STARD9: variants seen among roughly 807,000 people sequenced by gnomAD.
STARD9 encodes the protein StAR related lipid transfer domain containing 9.
In STARD9, 346 loss-of-function variants were observed where a neutral mutation model predicts 399.8. The observed-to-expected ratio is 0.87, with a 90% CI of 0.79 to 0.95. The LOEUF (loss-of-function observed/expected upper bound fraction) is 0.95. STARD9 is among the 40% of genes least tolerant of loss of function. The pLI, the probability that STARD9 is intolerant of heterozygous loss-of-function variation, is 0.00. For missense variants in STARD9, 5,832 were observed against 5,667.5 expected, an observed-to-expected ratio of 1.03 and a Z score of -0.93; for synonymous variants, 2,203 against 2,143.5, an observed-to-expected ratio of 1.03 and a Z score of -0.77.
intron 3 of STARD9, among the ~76,000 whole-genome samples, chr15:42,607,147 C>A (rs1307139632): frequency 7.1e-6 from 1 of 140,668 alleles, no homozygotes; most frequent in African/African-American, 2.6e-5. Flanking sequence ...ACCCTGTAAC[C>A]ATTGTGCTCT....
At chr15:42,584,955 G>T (rs1036071837) in intron 2 of STARD9, among the ~76,000 whole-genome samples, 8 of 152,146 alleles carry the variant, frequency 5.3e-5, no homozygotes, top group Non-Finnish European at 1.2e-4. Context: ...CGCCATGAGT[G>T]GAAAGTTTCA....
At chr15:42,612,270 G>A (rs1055657798) in intron 3 of STARD9, among the ~76,000 whole-genome samples, 5 of 152,066 alleles carry the variant, frequency 3.3e-5, no homozygotes, top group African/African-American at 9.7e-5. Context: ...GAGCCACCTC[G>A]CCTGGCCCCT....
At chr15:42,671,126 A>ATTTTTTTT (rs34261486) in intron 16 of STARD9, 9 of 96,048 alleles carry the variant, frequency 9.4e-5, no homozygotes, top group African/African-American at 9.7e-5. Context: ...AGGATTGCTG[A>ATTTTTTTT]TTTTTTTTTT....
At chr15:42,645,731 A>G (rs2059632477) in intron 7 of STARD9, among the ~76,000 whole-genome samples, 1 of 152,054 alleles carries the variant, frequency 6.6e-6, no homozygotes, top group Non-Finnish European at 1.5e-5. Flanking sequence ...TTGTGGAGAC[A>G]GGGTTTCACC....
chr15:42,683,285 T>C (rs1197843742), intron 22 of STARD9, among the ~76,000 whole-genome samples: 1 of 152,248 alleles, frequency 6.6e-6, no homozygotes, highest in African/African-American at 2.4e-5. Flanking sequence ...AAAACTTTAT[T>C]ATGAAAAAAT....
rs946893753 is a variant in STARD9, at chr15:42,685,825, C to T, written c.4247C>T (p.Ser1416Phe). ...LCSARDEHTA[S>F]AADTSRLSLW... ...AGTGCAAGAGATGAGCACACAGCCT[C>T]TGCTGCTGATACGTCTAGGCTGTCT... The change falls in exon 23 of 33, where the codon TCT becomes TTT. Residue 1416 changes from serine to phenylalanine, a missense_variant. Around this residue, in one of 2 missense-constraint regions of STARD9, gnomAD observed 5,828 missense variants for 5,651.1 expected, o/e 1.03. Coordinates refer to ENST00000290607, the MANE Select transcript of STARD9 (RefSeq NM_020759.3). 2.6e-6 allele frequency: 4 copies of T among 1,537,078 alleles called. No individual in the cohort carries two copies. Among genetic ancestry groups the T allele is most frequent in the Non-Finnish European group, 3.5e-6 (4 of 1,146,950 alleles).
At chr15:42,662,454 TA>T (rs1390705576) in intron 10 of STARD9, among the ~76,000 whole-genome samples, 5 of 152,284 alleles carry the variant, frequency 3.3e-5, no homozygotes, top group Admixed American at 1.3e-4. Flanking sequence ...CATAAAACTA[TA>T]AATATAGGAA....
chr15:42,669,379 T>G, intron 16 of STARD9, 42 bp downstream of exon 16: 1 of 1,466,588 alleles, frequency 6.8e-7, no homozygotes, highest in Non-Finnish European at 9.1e-7. Context: ...AGCCACTGGT[T>G]CCAGAGGTCA....
chr15:42,719,576 A>T lies in STARD9; in HGVS notation c.*2A>T. On this transcript the variant is annotated 3_prime_UTR_variant, in exon 33 of 33. Coordinates refer to ENST00000290607, the MANE Select transcript of STARD9 (RefSeq NM_020759.3). The stretch of plus-strand genomic sequence containing the variant: ...CTGGCTTCCTTCCTTGGTAGGTAGC[A>T]TCTCACCGTCAAGATGGTGCTGCTG... The T allele has an allele frequency of 6.6e-7, 1 of 1,524,906 alleles. No individual in the cohort carries two copies. Among genetic ancestry groups the T allele is most frequent in the South Asian group, 1.2e-5 (1 of 83,784 alleles). The allele number at this position is 1,524,906 out of a possible 1,614,324, so 94.5% of individuals were successfully genotyped here.
Position 42,693,587 on chromosome 15 carries a change from T to A in STARD9, c.12009T>A (p.Leu4003=). ...FSFLGQHPQQ[L]QPRTTIGVQS... ...TCTTAGGGCAGCACCCTCAGCAGCTTCAGCCCAGGACAACTATCGGGGTCC... is the reference window on the plus strand; with the variant it reads ...TCTTAGGGCAGCACCCTCAGCAGCTACAGCCCAGGACAACTATCGGGGTCC... The change falls in exon 23 of 33, where the codon CTT becomes CTA. Residue 4003 remains leucine (L), a synonymous_variant. Coordinates refer to ENST00000290607, the MANE Select transcript of STARD9 (RefSeq NM_020759.3). 1 of 1,537,198 alleles carries A rather than the reference T, an allele frequency of 6.5e-7. No individual in the cohort carries two copies.
chr15:42,717,147 G>T, intron 28 of STARD9, 99 bp downstream of exon 28: 1 of 1,361,584 alleles, frequency 7.3e-7, no homozygotes, highest in Middle Eastern at 1.8e-4. Flanking sequence ...CAGATGAGGA[G>T]CCCAAGGCTT....
In STARD9 at chr15:42,691,456, C is replaced by G. The variant is rs770129113; in HGVS notation, c.9878C>G (p.Thr3293Ser). 16 of 1,537,152 alleles carry G rather than the reference C, an allele frequency of 1.0e-5. 1 individual carries two copies. Among genetic ancestry groups the G allele is most frequent in the South Asian group, 2.4e-5 (2 of 84,064 alleles). Reference protein sequence around the residue: ...PAAQRSGHLYTGREQPAPNHR... With the variant: ...PAAQRSGHLYSGREQPAPNHR... ...GCTCAGAGGAGTGGCCACCTCTACACTGGCAGAGAGCAGCCAGCACCCAAC... is the reference window on the plus strand; with the variant it reads ...GCTCAGAGGAGTGGCCACCTCTACAGTGGCAGAGAGCAGCCAGCACCCAAC... The change falls in exon 23 of 33, where the codon ACT becomes AGT. Residue 3293 changes from threonine to serine, a missense_variant. Thr to Ser is a moderately conservative substitution (Grantham distance 58, BLOSUM62 1). Coordinates refer to ENST00000290607, the MANE Select transcript of STARD9 (RefSeq NM_020759.3).
intron 3 of STARD9, among the ~76,000 whole-genome samples, chr15:42,613,183 A>G (rs1158250598): frequency 6.6e-6 from 1 of 152,076 alleles, no homozygotes; most frequent in African/African-American, 2.4e-5. Context: ...ATCTCTATAT[A>G]AACTCCTCCT....
In STARD9 at chr15:42,675,711, C is replaced by A. The variant is rs1235456745; in HGVS notation, c.1735C>A (p.Pro579Thr). 5 of 1,537,078 alleles carry A rather than the reference C, an allele frequency of 3.3e-6. No homozygotes were observed. The South Asian group carries it at 5.9e-5, about 18-fold the overall frequency. ...GKAQKFRFNH[P>T]AEAAVLRQRR... ...GGCACAGAAGTTCCGATTCAACCACCCAGCAGAGGCTGCTGTCCTGCGGCA... is the reference window on the plus strand; with the variant it reads ...GGCACAGAAGTTCCGATTCAACCACACAGCAGAGGCTGCTGTCCTGCGGCA... Residue 579 changes from proline to threonine, a missense_variant, in exon 19 of 33, where the codon CCA (proline) becomes ACA (threonine). This residue lies in a region of STARD9 where 5,828 missense variants were observed against 5,651.1 expected (regional missense o/e 1.03). Transcript: ENST00000290607.
At position 42,694,557 on chromosome 15, in the gene STARD9, G is replaced by C; in HGVS notation, c.12794G>C (p.Arg4265Thr). The change falls in exon 24 of 33, where the codon AGA (arginine) becomes ACA (threonine). Residue 4265 changes from arginine (R) to threonine (T), a missense_variant. Arg to Thr is a moderately conservative substitution (Grantham distance 71, BLOSUM62 -1). Around this residue, in one of 2 missense-constraint regions of STARD9, gnomAD observed 5,828 missense variants for 5,651.1 expected, o/e 1.03. Coordinates refer to ENST00000290607, the MANE Select transcript of STARD9 (RefSeq NM_020759.3). Reference protein sequence around the residue: ...RQKKAIETLRRERAERLGNFC... With the variant: ...RQKKAIETLRTERAERLGNFC... Reference sequence around the variant, plus strand: ...AAAAAGGCCATTGAGACCCTCAGGAGAGAGCGGGCTGAGCGACTTGGGAAC... The same window carrying C: ...AAAAAGGCCATTGAGACCCTCAGGACAGAGCGGGCTGAGCGACTTGGGAAC... 1 of 1,537,262 alleles carries C rather than the reference G, an allele frequency of 6.5e-7. No homozygotes were observed. The highest frequency in any genetic ancestry group is 8.7e-7 in the Non-Finnish European group (1 of 1,146,920).
chr15:42,694,696 A>G lies in STARD9; in HGVS notation c.12933A>G (p.Gln4311=), dbSNP rs1566952635. ...GCAGACGCCGAGAATACCTGCAGCA[A>G]CTGAGGAAGGATGTTGTGGAGACCA... is the stretch of plus-strand genomic sequence containing the variant. ...LPSRRREYLQ[Q]LRKDVVETTR... The change falls in exon 24 of 33, where the codon CAA becomes CAG. Residue 4311 remains glutamine, a synonymous_variant. Transcript: ENST00000290607. The G allele has an allele frequency of 1.3e-6, 2 of 1,537,128 alleles. No individual in the cohort carries two copies. Among genetic ancestry groups the G allele is most frequent in the Non-Finnish European group, 1.7e-6 (2 of 1,146,868 alleles).
In STARD9 at chr15:42,694,470, T is replaced by G. The variant is rs753992264; in HGVS notation, c.12765-58T>G. On this transcript the variant is annotated intron_variant, in intron 23 of 32. Coordinates refer to ENST00000290607, the MANE Select transcript of STARD9 (RefSeq NM_020759.3). ...TCTGGGATCTTCCAGGGGTCAGAGA[T>G]AGATCTTAAAGTGAAGGACATTCAG... 3.3e-6 allele frequency: 5 copies of G among 1,528,502 alleles called. No homozygotes were observed. The South Asian group carries it at 3.6e-5, about 11-fold the overall frequency. 94.7% of individuals were successfully genotyped at this position (1,528,502 alleles called of 1,614,324 possible).
At chr15:42,634,234 A>G (rs1310352010) in intron 3 of STARD9, among the ~76,000 whole-genome samples, 1 of 152,114 alleles carries the variant, frequency 6.6e-6, no homozygotes, top group African/African-American at 2.4e-5. Context: ...GAGTCTGCCT[A>G]ACAGAGCTCA....
At chr15:42,705,268 T>A (rs559955785) in intron 26 of STARD9, among the ~76,000 whole-genome samples, 3 of 152,352 alleles carry the variant, frequency 2.0e-5, no homozygotes, top group Admixed American at 2.0e-4. Context: ...TTAATGCATC[T>A]TCTTCTCCTT....
Sources: gnomAD v4.1 joint callset for allele counts (sites outside exome capture counted in the v4.1 genomes callset) on GRCh38, gnomAD v4.1.1 for gene constraint, gnomAD v4.1.1 regional missense constraint, MANE v1.5 for transcripts, NCBI Gene and HGNC (gene_info 2026-07-23, HGNC 2026-07-21) for gene names.